The following CAMSAP1 variants were observed in gnomAD, a reference collection of about 807,000 sequenced individuals.
CAMSAP1 encodes calmodulin-regulated spectrin-associated protein 1.
CAMSAP1 carries 58 observed loss-of-function variants against 143.5 expected under a neutral mutation model. The ratio of observed to expected loss-of-function variants is 0.40; its 90% CI spans 0.33 to 0.50. CAMSAP1 has a LOEUF of 0.50. CAMSAP1 is among the 20% of genes least tolerant of loss of function. The probability of loss-of-function intolerance (pLI) is 0.45; values close to 1 mark genes in which losing one functional copy is unlikely to be tolerated. For synonymous variants in CAMSAP1, 945 were observed against 859.3 expected (o/e 1.10, Z -1.74); for missense variants, 1,969 against 2,115.7 (o/e 0.93, Z 1.36).
chr9:135,862,103 T>C (rs1448245102), intron 5 of CAMSAP1, among the ~76,000 whole-genome samples: 2 of 152,186 alleles, frequency 1.3e-5, no homozygotes, highest in East Asian at 1.9e-4. Context: ...AAGTCACAAA[T>C]ACTTTCACAC....
At position 135,821,562 on chromosome 9, in the gene CAMSAP1, C is replaced by G. The variant is rs755935604; in HGVS notation, c.3099G>C (p.Thr1033=). 5.0e-6 allele frequency: 8 copies of G among 1,613,972 alleles called. No homozygotes were observed. The East Asian group carries it at 6.7e-5, about 13-fold the overall frequency. Residue 1033 remains threonine, a synonymous_variant, in exon 11 of 17, where the codon ACG becomes ACC. Transcript: ENST00000389532. This position sits in a 1 kb window ranked among gnomAD's most constrained non-coding sequence, Gnocchi z 4.6. Reference sequence around the variant, plus strand: ...AGATTTTCAGGATGGCCTGCTGCAGCGTACTGATGGTTTCGTTAAGCTTCT... The same window carrying G: ...AGATTTTCAGGATGGCCTGCTGCAGGGTACTGATGGTTTCGTTAAGCTTCT... ...SIEKLNETIS[T]LQQAILKISQ...
At chr9:135,862,742 G>C in intron 4 of CAMSAP1, 134 bp from the exon 5 acceptor site, 1 of 907,116 alleles carries the variant, frequency 1.1e-6, no homozygotes, top group Non-Finnish European at 1.7e-6. Context: ...CAATAATCTA[G>C]AAAGAGTTAG....
At chr9:135,867,547 T>C (rs1472945831) in intron 3 of CAMSAP1, among the ~76,000 whole-genome samples, 2 of 149,312 alleles carry the variant, frequency 1.3e-5, no homozygotes, top group Non-Finnish European at 3.0e-5. Flanking sequence ...ATACATAACA[T>C]GAAACAGTCA....
At chr9:135,893,928 A>G (rs866415962) in intron 1 of CAMSAP1, among the ~76,000 whole-genome samples, 3 of 152,188 alleles carry the variant, frequency 2.0e-5, no homozygotes, top group African/African-American at 7.2e-5. Flanking sequence ...TGAAAGGTGG[A>G]AGAGGAAAGC....
chr9:135,862,313 C>G (rs1837225993), intron 5 of CAMSAP1, among the ~76,000 whole-genome samples, 154 bp downstream of exon 5: 1 of 151,986 alleles, frequency 6.6e-6, no homozygotes, highest in African/African-American at 2.4e-5. Flanking sequence ...ACATCATCCC[C>G]CAATTTTTTC....
intron 3 of CAMSAP1, among the ~76,000 whole-genome samples, chr9:135,868,609 A>ATTTTTTTTTTTTT (rs767495608): frequency 3.2e-5 from 3 of 93,476 alleles, no homozygotes; most frequent in African/African-American, 4.6e-5. Flanking sequence ...GAGATTGGCA[A>ATTTTTTTTTTTTT]TTTTTTTTTT....
Position 135,824,735 on chromosome 9 carries a change from A to T in CAMSAP1, c.1315+54T>A. 4.3e-6 allele frequency: 5 copies of T among 1,167,422 alleles called. No individual in the cohort carries two copies. In the Admixed American group the frequency reaches 1.5e-4, roughly 34 times the overall value. 72.3% of individuals were successfully genotyped at this position (1,167,422 alleles called of 1,614,324 possible). ...ATTTAATTTTGAGAAATATGATTTT[A>T]CTAATCTATAGTAAGGAGAAATTAA... On this transcript the variant is annotated intron_variant, in intron 9 of 16. Coordinates refer to ENST00000389532, the MANE Select transcript of CAMSAP1 (RefSeq NM_015447.4). This position sits in a 1 kb window ranked among gnomAD's most constrained non-coding sequence, Gnocchi z 4.1.
At position 135,815,998 on chromosome 9, in the gene CAMSAP1, A is replaced by T; in HGVS notation, c.4279T>A (p.Ser1427Thr). Residue 1427 changes from serine to threonine, a missense_variant, in exon 15 of 17, where the codon TCG becomes ACG. Ser to Thr is a moderately conservative substitution (Grantham distance 58). Transcript: ENST00000389532. Reference protein sequence around the residue: ...SGGTPSQRVESMEALPILSRN... With the variant: ...SGGTPSQRVETMEALPILSRN... ...CTCAGTATGGGCAGGGCTTCCATCG[A>T]TTCCACTCTGCAGGCAGAAACAGAC... is the stretch of plus-strand genomic sequence containing the variant. 6.2e-7 allele frequency: 1 copy of T among 1,613,494 alleles called. No homozygotes were observed. Among genetic ancestry groups the T allele is most frequent in the East Asian group, 2.2e-5 (1 of 44,868 alleles).
intron 3 of CAMSAP1, among the ~76,000 whole-genome samples, chr9:135,872,866 A>G (rs1837615222): frequency 6.6e-6 from 1 of 152,224 alleles, no homozygotes. Context: ...GTAAAAACTG[A>G]CAGAACCAAA....
intron 1 of CAMSAP1, among the ~76,000 whole-genome samples, chr9:135,901,782 G>A (rs1015902124): frequency 6.6e-6 from 1 of 152,078 alleles, no homozygotes; most frequent in Non-Finnish European, 1.5e-5. Flanking sequence ...ACCCTCCCAG[G>A]CGAACATCAT....
chr9:135,829,849 T>TAATA (rs1366001185), intron 7 of CAMSAP1, among the ~76,000 whole-genome samples: 1 of 76,232 alleles, frequency 1.3e-5, no homozygotes, highest in Non-Finnish European at 2.8e-5. Flanking sequence ...CGAGACTCTG[T>TAATA]CATAAATAAA....
At chr9:135,902,483 T>C (rs1199172151) in intron 1 of CAMSAP1, among the ~76,000 whole-genome samples, 1 of 152,122 alleles carries the variant, frequency 6.6e-6, no homozygotes, top group Non-Finnish European at 1.5e-5. Context: ...GGAGGGCAAG[T>C]TCTGGAGGTG....
At chr9:135,897,478 C>T (rs1346892502) in intron 1 of CAMSAP1, among the ~76,000 whole-genome samples, 2 of 152,172 alleles carry the variant, frequency 1.3e-5, no homozygotes, top group Non-Finnish European at 2.9e-5. Context: ...CTGTACTATA[C>T]TCACACTTCT....
intron 7 of CAMSAP1, among the ~76,000 whole-genome samples, chr9:135,849,354 A>C (rs1836689202): frequency 6.6e-6 from 1 of 152,238 alleles, no homozygotes; most frequent in African/African-American, 2.4e-5. Context: ...TCGCTTTTGC[A>C]CCACGGTGAA....
At chr9:135,861,354 C>T (rs1419465761) in intron 5 of CAMSAP1, among the ~76,000 whole-genome samples, 1 of 151,530 alleles carries the variant, frequency 6.6e-6, no homozygotes, top group Non-Finnish European at 1.5e-5. Context: ...GCTCTGTTGC[C>T]CAGGCTGGAA....
chr9:135,841,422 G>A (rs992059939), intron 7 of CAMSAP1, among the ~76,000 whole-genome samples: 1 of 152,234 alleles, frequency 6.6e-6, no homozygotes, highest in African/African-American at 2.4e-5. Context: ...TATGGGCATA[G>A]CCTCAGCAGA....
intron 3 of CAMSAP1, among the ~76,000 whole-genome samples, chr9:135,868,602 A>C (rs1837463631): frequency 7.1e-6 from 1 of 141,458 alleles, no homozygotes; most frequent in Non-Finnish European, 1.5e-5. Context: ...TTCTGATGAG[A>C]TTGGCAATTT....
intron 1 of CAMSAP1, among the ~76,000 whole-genome samples, chr9:135,883,659 A>G (rs907737488): frequency 6.6e-6 from 1 of 152,182 alleles, no homozygotes; most frequent in African/African-American, 2.4e-5. Context: ...ATGACGACAC[A>G]GCAGCAGCAG....
rs1835442909 is a variant in CAMSAP1 at position 135,821,217 on chromosome 9, A to C, written c.3444T>G (p.Pro1148=). ...ASSHPRTPTD[P]GLDSALEPSG... ...TGGGCTCCAGGGCACTGTCCAGGCC[A>C]GGGTCCGTGGGCGTCCGAGGGTGGC... Residue 1148 remains proline (P), a synonymous_variant, in exon 11 of 17, where the codon CCT becomes CCG. Coordinates refer to ENST00000389532, the MANE Select transcript of CAMSAP1 (RefSeq NM_015447.4). This position sits in a 1 kb window ranked among gnomAD's most constrained non-coding sequence, Gnocchi z 4.6. 1.2e-6 allele frequency: 2 copies of C among 1,608,826 alleles called. No individual in the cohort carries two copies. Among genetic ancestry groups the C allele is most frequent in the South Asian group, 2.2e-5 (2 of 91,086 alleles).
Sources: allele counts gnomAD v4.1 joint callset (sites outside exome capture counted in the v4.1 genomes callset), GRCh38; gene constraint gnomAD v4.1.1; non-coding constraint Gnocchi (gnomAD v3.1); transcripts MANE v1.5; gene names NCBI Gene and HGNC (gene_info 2026-07-23, HGNC 2026-07-21).